Variants in XKR6 observed in about 807,000 individuals in gnomAD.
XKR6 encodes the protein XK-related protein 6.
Under a neutral mutation model 56.7 loss-of-function variants are expected in XKR6, and 22 were observed. The observed-to-expected ratio is 0.39, with a 90% confidence interval of 0.28 to 0.55. XKR6 has a LOEUF of 0.55. Ranked by LOEUF, XKR6 falls within the 20% of genes least tolerant of loss-of-function variation. The pLI, the probability that XKR6 is intolerant of heterozygous loss-of-function variation, is 0.66. For missense variants in XKR6, 852 were observed against 889.0 expected (o/e 0.96, Z 0.53); for synonymous variants, 524 against 387.8 (o/e 1.35, Z -4.13).
At chr8:11,116,230 G>A (rs929857444) in intron 1 of XKR6, among the ~76,000 whole-genome samples, 12 of 152,134 alleles carry the variant, frequency 7.9e-5, no homozygotes, top group Non-Finnish European at 1.8e-4. Flanking sequence ...CAGTTCATAG[G>A]AAGCTTCAGA....
intron 1 of XKR6, among the ~76,000 whole-genome samples, chr8:11,195,498 A>T (rs1456929516): frequency 5.3e-5 from 8 of 152,184 alleles, no homozygotes; most frequent in Admixed American, 1.3e-4. Context: ...TTCTCTGCAC[A>T]TTGGTCTAAT....
At chr8:11,064,912 A>G (rs1014783285) in intron 1 of XKR6, among the ~76,000 whole-genome samples, 1 of 152,236 alleles carries the variant, frequency 6.6e-6, no homozygotes. Context: ...AGAAGTGACA[A>G]AAACCTCAAT....
intron 1 of XKR6, among the ~76,000 whole-genome samples, chr8:11,096,693 C>T (rs914725474): frequency 6.6e-6 from 1 of 152,252 alleles, no homozygotes; most frequent in South Asian, 2.1e-4. Context: ...TGCCCCACAT[C>T]CCATCAACCC....
chr8:11,174,766 G>A (rs559870771), intron 1 of XKR6, among the ~76,000 whole-genome samples: 137 of 152,094 alleles, frequency 9.0e-4, no homozygotes, highest in Admixed American at 2.5e-3. Context: ...CTGGAGTCTC[G>A]GGAGCACATA....
intron 1 of XKR6, among the ~76,000 whole-genome samples, chr8:11,101,623 A>G (rs903328386): frequency 1.3e-5 from 2 of 152,182 alleles, no homozygotes; most frequent in Non-Finnish European, 2.9e-5. Context: ...ACAAGAGCCA[A>G]TGAATTTTCC....
At chr8:11,048,210 G>A (rs1023688865) in intron 1 of XKR6, among the ~76,000 whole-genome samples, 2 of 152,172 alleles carry the variant, frequency 1.3e-5, no homozygotes, top group Admixed American at 6.5e-5. Context: ...CTGAACTTCC[G>A]TATCTCACCG....
At chr8:11,096,753 C>T (rs1470288332) in intron 1 of XKR6, among the ~76,000 whole-genome samples, 2 of 152,242 alleles carry the variant, frequency 1.3e-5, no homozygotes, top group Non-Finnish European at 2.9e-5. Flanking sequence ...CTCCAGCCGA[C>T]AAAGTCTACA....
intron 1 of XKR6, among the ~76,000 whole-genome samples, chr8:11,009,282 G>A (rs1179991729): frequency 1.3e-5 from 2 of 152,216 alleles, no homozygotes; most frequent in Non-Finnish European, 2.9e-5. Flanking sequence ...AGGCCAAGGT[G>A]AGCAGATTGC....
chr8:11,002,078 A>C (rs374383885), intron 1 of XKR6, among the ~76,000 whole-genome samples: 7,006 of 145,968 alleles, frequency 0.048, 438 homozygotes, highest in African/African-American at 0.14. Flanking sequence ...AAAAAAAAAA[A>C]AAACACACAA....
intron 1 of XKR6, among the ~76,000 whole-genome samples, chr8:11,196,090 T>C (rs1054353744): frequency 6.6e-6 from 1 of 152,114 alleles, no homozygotes; most frequent in African/African-American, 2.4e-5. Flanking sequence ...GTGTCTATAA[T>C]GGTACCCTGG....
At chr8:11,077,450 A>T (rs1800303786) in intron 1 of XKR6, among the ~76,000 whole-genome samples, 1 of 152,002 alleles carries the variant, frequency 6.6e-6, no homozygotes, top group Admixed American at 6.5e-5. Context: ...TGAGTATGAG[A>T]CTGTGGCCCT....
At chr8:11,004,504 A>T (rs545523638) in intron 1 of XKR6, among the ~76,000 whole-genome samples, 1 of 152,162 alleles carries the variant, frequency 6.6e-6, no homozygotes, top group Non-Finnish European at 1.5e-5. Flanking sequence ...AATAAAAAAT[A>T]AAGCTCCGGT....
chr8:10,968,147 G>A (rs778217978), intron 1 of XKR6, among the ~76,000 whole-genome samples: 8 of 152,208 alleles, frequency 5.3e-5, no homozygotes, highest in Middle Eastern at 3.4e-3. Context: ...GGTGGGAGTC[G>A]CCTCTCCATT....
Position 10,898,617 on chromosome 8 carries a change from C to A in XKR6, c.1261G>T (p.Val421Leu), listed in dbSNP as rs765086330. ...SKWEEILFNMVVGIVYIFCWF... is the reference protein window; with the variant it reads ...SKWEEILFNMLVGIVYIFCWF... ...CAGAAAATGTACACGATCCCTACCA[C>A]CATGTTGAAGAGGATCTCCTCCCAC... Residue 421 changes from valine (V) to leucine (L), a missense_variant, in exon 3 of 3, where the codon GTG becomes TTG. Val to Leu is a conservative substitution (Grantham distance 32, BLOSUM62 1). This residue lies in a region of XKR6 where 199 missense variants were observed against 280.4 expected (regional missense o/e 0.71). Transcript: ENST00000416569. This position sits in a 1 kb window ranked among gnomAD's most constrained non-coding sequence, Gnocchi z 6.6. 1.2e-6 allele frequency: 2 copies of A among 1,614,198 alleles called. No individual in the cohort carries two copies. Among genetic ancestry groups the A allele is most frequent in the African/African-American group, 1.3e-5 (1 of 75,050 alleles).
chr8:11,181,744 G>A (rs1279701851), intron 1 of XKR6, among the ~76,000 whole-genome samples: 1 of 152,196 alleles, frequency 6.6e-6, no homozygotes, highest in African/African-American at 2.4e-5. Context: ...CTAACATTCA[G>A]TACGTACTTA....
chr8:10,970,942 T>C (rs1204092988), intron 1 of XKR6, among the ~76,000 whole-genome samples: 1 of 151,962 alleles, frequency 6.6e-6, no homozygotes, highest in Non-Finnish European at 1.5e-5. Flanking sequence ...TGAAGCACCC[T>C]TTTATCAGAA....
chr8:11,189,492 C>A lies in XKR6; in HGVS notation c.764+11084G>T, dbSNP rs540257217. Reference sequence around the variant, plus strand: ...TGCCAAGCCACTCCAGCTAAAAGGTCCATTCAGATTGTTTAAATACTGGTA... The same window carrying A: ...TGCCAAGCCACTCCAGCTAAAAGGTACATTCAGATTGTTTAAATACTGGTA... On this transcript the variant is annotated intron_variant, in intron 1 of 2. Transcript: ENST00000416569. Among the ~76,000 whole-genome samples, 451 of 152,314 alleles carry A rather than the reference C, an allele frequency of 3.0e-3. 1 individual carries two copies. The highest frequency in any genetic ancestry group is 0.01 in the Middle Eastern group (3 of 294).
intron 1 of XKR6, among the ~76,000 whole-genome samples, chr8:10,996,777 C>A (rs1798123280): frequency 6.6e-6 from 1 of 151,988 alleles, no homozygotes; most frequent in African/African-American, 2.4e-5. Context: ...CTTTGAGGGG[C>A]CAAGGTGGGA....
At chr8:11,165,090 C>CATTTTTTTTTTTTT (rs762270947) in intron 1 of XKR6, among the ~76,000 whole-genome samples, 1 of 82,472 alleles carries the variant, frequency 1.2e-5, no homozygotes, top group African/African-American at 5.2e-5. Context: ...AGGCTATCAC[C>CATTTTTTTTTTTTT]TTTTTTTTTT....
Sources: gnomAD v4.1 joint callset for allele counts (sites outside exome capture counted in the v4.1 genomes callset) on GRCh38, gnomAD v4.1.1 for gene constraint, gnomAD v4.1.1 regional missense constraint, Gnocchi (gnomAD v3.1) non-coding constraint, MANE v1.5 for transcripts, NCBI Gene and HGNC (gene_info 2026-07-23, HGNC 2026-07-21) for gene names.